Variants in DACH1 observed in about 807,000 individuals in gnomAD.
DACH1 encodes the protein dachshund homolog 1.
A neutral mutation model predicts 54.2 loss-of-function variants in DACH1; 12 were observed. The ratio of observed to expected loss-of-function variants is 0.22; its 90% CI spans 0.14 to 0.36. The LOEUF (loss-of-function observed/expected upper bound fraction) is 0.36, where lower values mean the gene tolerates loss of function less well. DACH1 is among the 10% of genes least tolerant of loss of function. The probability of loss-of-function intolerance (pLI) is 1.00; values close to 1 mark genes in which losing one functional copy is unlikely to be tolerated. For synonymous variants in DACH1, 386 were observed against 366.2 expected (o/e 1.05, Z -0.62); for missense variants, 805 against 929.8 (o/e 0.87, Z 1.75).
At chr13:71,530,575 G>A (rs1367938469) in intron 6 of DACH1, among the ~76,000 whole-genome samples, 1 of 152,084 alleles carries the variant, frequency 6.6e-6, no homozygotes, top group African/African-American at 2.4e-5. Context: ...GCCTAAAGTA[G>A]TCAGTTGCCT....
rs528751783 is a variant in DACH1 at position 71,467,031 on chromosome 13, G to A, written c.2083+8110C>T. ...AGAAAACTAGCTCTACGAAAATAAT[G>A]TATTTAAATATTTTTACATAGTAAA... On this transcript the variant is annotated intron_variant, in intron 10 of 10. Coordinates refer to ENST00000613252, the MANE Select transcript of DACH1 (RefSeq NM_080759.6). Among the ~76,000 whole-genome samples, 50 of 151,768 alleles carry A rather than the reference G, an allele frequency of 3.3e-4. 1 individual carries two copies. In the South Asian group the frequency reaches 8.9e-3, roughly 27 times the overall value.
At chr13:71,558,421 T>A (rs899566263) in intron 5 of DACH1, among the ~76,000 whole-genome samples, 6 of 152,000 alleles carry the variant, frequency 3.9e-5, no homozygotes, top group African/African-American at 1.4e-4. Flanking sequence ...GTCTCCTTTG[T>A]TTCTATCAAA....
intron 1 of DACH1, among the ~76,000 whole-genome samples, chr13:71,851,580 G>A (rs1004517245): frequency 5.9e-5 from 9 of 152,148 alleles, no homozygotes; most frequent in African/African-American, 2.2e-4. Context: ...CCTTCTTGTT[G>A]TTGAAATCAT....
chr13:71,691,893 G>A (rs1881494783), intron 1 of DACH1, among the ~76,000 whole-genome samples: 1 of 152,030 alleles, frequency 6.6e-6, no homozygotes, highest in Non-Finnish European at 1.5e-5. Flanking sequence ...TGGTTGTTGG[G>A]ACAAAGTCAT....
chr13:71,609,924 A>T (rs1266563857), intron 3 of DACH1, among the ~76,000 whole-genome samples: 3 of 152,186 alleles, frequency 2.0e-5, no homozygotes, highest in Non-Finnish European at 2.9e-5. Context: ...TCTCATTTTT[A>T]AAAATATACT....
chr13:71,689,356 G>A (rs1881358964), intron 1 of DACH1, among the ~76,000 whole-genome samples: 1 of 152,062 alleles, frequency 6.6e-6, no homozygotes, highest in Admixed American at 6.6e-5. Context: ...TTCTGTAAAA[G>A]TTGAATACTG....
At chr13:71,801,283 C>A (rs912571857) in intron 1 of DACH1, among the ~76,000 whole-genome samples, 1 of 152,052 alleles carries the variant, frequency 6.6e-6, no homozygotes, top group Non-Finnish European at 1.5e-5. Context: ...TCTCTGTTTG[C>A]CACCAGAAAT....
intron 10 of DACH1, among the ~76,000 whole-genome samples, chr13:71,471,140 A>T (rs1877031339): frequency 6.6e-6 from 1 of 152,158 alleles, no homozygotes; most frequent in Non-Finnish European, 1.5e-5. Context: ...AACTTCCAGT[A>T]TGATGGGAGC....
intron 10 of DACH1, among the ~76,000 whole-genome samples, chr13:71,468,708 T>C (rs1876808547): frequency 6.6e-6 from 1 of 152,210 alleles, no homozygotes; most frequent in Non-Finnish European, 1.5e-5. Context: ...TAAATCAAAA[T>C]TGGATCTGTC....
intron 1 of DACH1, among the ~76,000 whole-genome samples, chr13:71,784,896 A>T (rs1193106512): frequency 6.6e-6 from 1 of 152,194 alleles, no homozygotes; most frequent in East Asian, 1.9e-4. Flanking sequence ...AGACTTCAGC[A>T]ATGTATGGAT....
chr13:71,485,018 T>A (rs1367213941), intron 7 of DACH1, among the ~76,000 whole-genome samples: 1 of 151,680 alleles, frequency 6.6e-6, no homozygotes, highest in Non-Finnish European at 1.5e-5. Flanking sequence ...ATGGTGCCAC[T>A]GCACTGCAGC....
rs73521294 is a variant in DACH1, at chr13:71,651,622, T to C, written c.965-20905A>G. ...GCTGCAGTGAGCTGTGATAGTGCCA[T>C]GGCACTCTGGGAGTGAGATAAGAAT... On this transcript the variant is annotated intron_variant, in intron 2 of 10. Coordinates refer to ENST00000613252, the MANE Select transcript of DACH1 (RefSeq NM_080759.6). Among the ~76,000 whole-genome samples the C allele has an allele frequency of 9.4e-3, 1,431 of 152,100 alleles. 27 individuals carry two copies. The highest frequency in any genetic ancestry group is 0.033 in the African/African-American group (1,361 of 41,492).
At chr13:71,545,508 A>G in intron 6 of DACH1, among the ~76,000 whole-genome samples, 1 of 150,694 alleles carries the variant, frequency 6.6e-6, no homozygotes, top group Non-Finnish European at 1.5e-5. Context: ...AGATAGAAAG[A>G]AAGAAGAAAA....
At chr13:71,500,070 G>A (rs992608138) in intron 6 of DACH1, among the ~76,000 whole-genome samples, 3 of 152,074 alleles carry the variant, frequency 2.0e-5, no homozygotes, top group African/African-American at 7.2e-5. Flanking sequence ...TTATTTTAAG[G>A]GGTGGAGTTA....
intron 10 of DACH1, among the ~76,000 whole-genome samples, chr13:71,459,554 A>C (rs1187499893): frequency 2.0e-5 from 3 of 151,986 alleles, no homozygotes; most frequent in African/African-American, 7.2e-5. Flanking sequence ...GCTAAACCAT[A>C]TGAAAGCATA....
intron 1 of DACH1, among the ~76,000 whole-genome samples, chr13:71,733,777 A>G (rs971305447): frequency 2.0e-5 from 3 of 152,148 alleles, no homozygotes; most frequent in Admixed American, 1.3e-4. Flanking sequence ...AATAATTCAT[A>G]TTATTCTCTT....
chr13:71,698,181 G>A (rs1454780137), intron 1 of DACH1, among the ~76,000 whole-genome samples: 8 of 151,930 alleles, frequency 5.3e-5, no homozygotes, highest in East Asian at 1.9e-4. Context: ...GCGAGACTCC[G>A]TCTTAAAAAT....
In DACH1 at chr13:71,440,591, C is replaced by A; in HGVS notation, c.*64G>T. 2 of 1,328,196 alleles carry A rather than the reference C, an allele frequency of 1.5e-6. No homozygotes were observed. The highest frequency in any genetic ancestry group is 2.1e-5 in the Admixed American group (1 of 47,660). The allele number at this position is 1,328,196 out of a possible 1,614,324, so 82.3% of individuals were successfully genotyped here. ...AGGACTTTATTTTTTTCTGAACTTT[C>A]CCATGACGAATGTCTGACTGCAAAG... On this transcript the variant is annotated 3_prime_UTR_variant, in exon 11 of 11. Coordinates refer to ENST00000613252, the MANE Select transcript of DACH1 (RefSeq NM_080759.6).
At chr13:71,840,419 A>T (rs1195488336) in intron 1 of DACH1, among the ~76,000 whole-genome samples, 2 of 152,138 alleles carry the variant, frequency 1.3e-5, no homozygotes, top group African/African-American at 4.8e-5. Flanking sequence ...TAAAGTTCAA[A>T]TTCCTTAATT....
Sources: gnomAD v4.1 joint callset for allele counts (sites outside exome capture counted in the v4.1 genomes callset) on GRCh38, gnomAD v4.1.1 for gene constraint, MANE v1.5 for transcripts, NCBI Gene and HGNC (gene_info 2026-07-23, HGNC 2026-07-21) for gene names.